The following GPATCH2L variants were observed in gnomAD, a reference collection of about 807,000 sequenced individuals.
GPATCH2L encodes the protein G-patch domain containing 2 like.
Under a neutral mutation model 57.4 loss-of-function variants are expected in GPATCH2L, and 31 were observed. That is an observed-to-expected ratio of 0.54 (90% CI 0.41 to 0.73). The LOEUF is 0.73. Among genes scored for constraint, GPATCH2L ranks in the 30% least tolerant of loss-of-function variants. The probability of loss-of-function intolerance (pLI) is 0.00; values close to 1 mark genes in which losing one functional copy is unlikely to be tolerated. For synonymous variants in GPATCH2L, 199 were observed against 210.7 expected, an observed-to-expected ratio of 0.94 and a Z score of 0.48; for missense variants, 481 against 599.9, an observed-to-expected ratio of 0.80 and a Z score of 2.07.
At position 76,154,765 on chromosome 14, in the gene GPATCH2L, A is replaced by G. The variant is rs749115767; in HGVS notation, c.402A>G (p.Arg134=). The G allele has an allele frequency of 5.0e-6, 8 of 1,614,094 alleles. No individual in the cohort carries two copies. In the East Asian group the frequency reaches 1.8e-4, roughly 36 times the overall value. Residue 134 remains arginine, a synonymous_variant, in exon 2 of 10, where the codon CGA becomes CGG. Coordinates refer to ENST00000261530, the MANE Select transcript of GPATCH2L (RefSeq NM_017926.4). This position sits in a 1 kb window ranked among gnomAD's most constrained non-coding sequence, Gnocchi z 4.4. ...TCAGGCGCAGGCGGAAGGTGAAGCG[A>G]GTGACATCAGAGGTGGCTGCTAGCC... ...RPLRRRRKVK[R]VTSEVAASLQ...
At chr14:76,166,980 C>T (rs746448764) in intron 3 of GPATCH2L, among the ~76,000 whole-genome samples, 6 of 152,024 alleles carry the variant, frequency 3.9e-5, no homozygotes, top group Non-Finnish European at 8.8e-5. Context: ...GCCAGTAGAT[C>T]AGACTTGGGA....
intron 2 of GPATCH2L, among the ~76,000 whole-genome samples, chr14:76,160,470 C>T (rs929471264): frequency 6.6e-6 from 1 of 152,056 alleles, no homozygotes; most frequent in African/African-American, 2.4e-5. Context: ...ACAAAGAGAC[C>T]AAGTCTGTGA....
intron 3 of GPATCH2L, among the ~76,000 whole-genome samples, chr14:76,169,972 C>T (rs1010278839): frequency 2.0e-5 from 3 of 152,184 alleles, no homozygotes; most frequent in African/African-American, 7.2e-5. Context: ...AGACTAGAAT[C>T]AGAAACTCTG....
intron 5 of GPATCH2L, chr14:76,174,027 G>C: frequency 5.1e-6 from 1 of 194,882 alleles, no homozygotes; most frequent in Non-Finnish European, 1.0e-5. Context: ...TTTCATCCTA[G>C]AATTCATTAA....
intron 8 of GPATCH2L, among the ~76,000 whole-genome samples, chr14:76,189,621 A>C (rs1014549114): frequency 5.3e-5 from 8 of 152,072 alleles, no homozygotes; most frequent in Non-Finnish European, 1.0e-4. Flanking sequence ...GGTTTTTCCA[A>C]ATATAAGTTC....
chr14:76,228,635 T>G (rs1595015053), intron 1 of GPATCH2L, among the ~76,000 whole-genome samples: 1 of 152,204 alleles, frequency 6.6e-6, no homozygotes, highest in Admixed American at 6.5e-5. Flanking sequence ...GTAGACTGTT[T>G]CGTTGCTATA....
chr14:76,196,213 T>C, intron 9 of GPATCH2L: 1 of 631,018 alleles, frequency 1.6e-6, no homozygotes, highest in Non-Finnish European at 2.8e-6. Context: ...CTATCAGCAA[T>C]CTCCAGTCAT....
At chr14:76,172,950 C>T (rs922467808) in intron 4 of GPATCH2L, among the ~76,000 whole-genome samples, 2 of 152,142 alleles carry the variant, frequency 1.3e-5, no homozygotes, top group African/African-American at 4.8e-5. Flanking sequence ...CTAAAAGTTT[C>T]TAATGGACCA....
chr14:76,188,182 G>A (rs904128291), intron 8 of GPATCH2L, among the ~76,000 whole-genome samples: 1 of 151,964 alleles, frequency 6.6e-6, no homozygotes, highest in Non-Finnish European at 1.5e-5. Flanking sequence ...CAAACCTGGG[G>A]GTGCAGATAT....
chr14:76,220,451 A>T (rs1196886038), intron 1 of GPATCH2L, among the ~76,000 whole-genome samples: 1 of 152,242 alleles, frequency 6.6e-6, no homozygotes, highest in East Asian at 1.9e-4. Context: ...TCTACCAGAA[A>T]GATAGAGTTT....
chr14:76,164,594 A>G (rs2038744885), intron 2 of GPATCH2L, among the ~76,000 whole-genome samples: 1 of 152,216 alleles, frequency 6.6e-6, no homozygotes, highest in African/African-American at 2.4e-5. Context: ...ACACTGATCT[A>G]TAGATAGAAT....
At chr14:76,221,441 G>A (rs527496571) in intron 1 of GPATCH2L, among the ~76,000 whole-genome samples, 1 of 152,284 alleles carries the variant, frequency 6.6e-6, no homozygotes, top group African/African-American at 2.4e-5. Context: ...CGGTTTGGCA[G>A]TTTCTTGCAA....
chr14:76,155,768 CTG>C (rs1257718038), intron 2 of GPATCH2L, among the ~76,000 whole-genome samples: 2 of 152,130 alleles, frequency 1.3e-5, no homozygotes, highest in Non-Finnish European at 2.9e-5. Flanking sequence ...TAATATTAAT[CTG>C]TGGTTATCTT....
At chr14:76,201,657 G>C (rs778520983) in intron 9 of GPATCH2L, 34 bp from the exon 10 acceptor site, 1 of 1,504,754 alleles carries the variant, frequency 6.6e-7, no homozygotes, top group East Asian at 2.4e-5. Context: ...ATCTCCCCTT[G>C]ATGTTTTGCT....
intron 1 of GPATCH2L, among the ~76,000 whole-genome samples, chr14:76,219,552 T>C (rs2040504829): frequency 6.6e-6 from 1 of 152,188 alleles, no homozygotes; most frequent in African/African-American, 2.4e-5. Flanking sequence ...GTCCTACAGA[T>C]ACAATTGTAT....
intron 8 of GPATCH2L, among the ~76,000 whole-genome samples, chr14:76,189,663 C>T (rs961121335): frequency 6.6e-6 from 1 of 152,062 alleles, no homozygotes; most frequent in Non-Finnish European, 1.5e-5. Flanking sequence ...ACTTTGATGT[C>T]TTCCTTTTCG....
At chr14:76,173,520 A>G (rs2039180019) in intron 4 of GPATCH2L, 26 bp from the exon 5 acceptor site, 2 of 1,511,130 alleles carry the variant, frequency 1.3e-6, no homozygotes, top group Non-Finnish European at 1.8e-6. Flanking sequence ...TGCATTCGGT[A>G]TCTGAGGCCT....
rs183988685 is a variant in GPATCH2L, at chr14:76,226,827, T to C, written c.66-2981T>C. Among the ~76,000 whole-genome samples the C allele has an allele frequency of 1.6e-3, 247 of 152,316 alleles. 1 individual carries two copies. Among genetic ancestry groups the C allele is most frequent in the Middle Eastern group, 3.4e-3 (1 of 294 alleles). ...CGACCCAGTCTCAGGTGTTCTGTTATAGCAGCACAAAATAAACTAAGAGAG... is the reference window on the plus strand; with the variant it reads ...CGACCCAGTCTCAGGTGTTCTGTTACAGCAGCACAAAATAAACTAAGAGAG... On this transcript the variant is annotated intron_variant and NMD_transcript_variant, in intron 1 of 3. Coordinates refer to the GPATCH2L transcript ENST00000556372.
intron 2 of GPATCH2L, chr14:76,230,096 C>T (rs2040554017): frequency 1.3e-5 from 2 of 152,270 alleles, no homozygotes; most frequent in Admixed American, 1.3e-4. Context: ...GCCTCGCTGA[C>T]ACAGCTCTCT....
Sources: allele counts gnomAD v4.1 joint callset (sites outside exome capture counted in the v4.1 genomes callset), GRCh38; gene constraint gnomAD v4.1.1; non-coding constraint Gnocchi (gnomAD v3.1); transcripts MANE v1.5; gene names NCBI Gene and HGNC (gene_info 2026-07-23, HGNC 2026-07-21).